The following LARGE1 variants were observed in gnomAD, a reference collection of about 807,000 sequenced individuals.
The protein encoded by LARGE1 is LARGE xylosyl- and glucuronyltransferase 1, also known as xylosyl- and glucuronyltransferase LARGE1.
Under a neutral mutation model 87.6 loss-of-function variants are expected in LARGE1, and 43 were observed. That is an observed-to-expected ratio of 0.49 (90% CI 0.38 to 0.63). The LOEUF is 0.63. Among genes scored for constraint, LARGE1 ranks in the 30% least tolerant of loss-of-function variants. LARGE1 has a pLI of 0.00. For synonymous variants in LARGE1, 434 were observed against 394.6 expected, an observed-to-expected ratio of 1.10 and a Z score of -1.18; for missense variants, 802 against 1,000.2, an observed-to-expected ratio of 0.80 and a Z score of 2.67.
Position 33,283,183 on chromosome 22 carries a change from A to T in LARGE1, c.1877+19T>A. 6.2e-7 allele frequency: 1 copy of T among 1,614,004 alleles called. No homozygotes were observed. The highest frequency in any genetic ancestry group is 2.2e-5 in the East Asian group (1 of 44,870). ...AGGCCTTCGAGCACCCCCAGAGTACAGCAGCTAGAGCCACTCACCTGAATG... is the reference window on the plus strand; with the variant it reads ...AGGCCTTCGAGCACCCCCAGAGTACTGCAGCTAGAGCCACTCACCTGAATG... On this transcript the variant is annotated intron_variant, in intron 13 of 14. Coordinates refer to ENST00000397394, the MANE Select transcript of LARGE1 (RefSeq NM_133642.5).
At chr22:33,203,085 C>G (rs147494475) in intron 11 of LARGE1, among the ~76,000 whole-genome samples, 36 of 149,230 alleles carry the variant, frequency 2.4e-4, no homozygotes, top group African/African-American at 5.9e-4. Context: ...CTCTCTCTCT[C>G]TCTCTCTCTC....
intron 2 of LARGE1, among the ~76,000 whole-genome samples, chr22:33,714,979 A>G (rs1360277594): frequency 6.6e-6 from 1 of 152,190 alleles, no homozygotes; most frequent in Non-Finnish European, 1.5e-5. Context: ...AGGTGGAAAG[A>G]AATCAGGAAG....
chr22:33,184,050 T>C lies in LARGE1; in HGVS notation c.1731-17218A>G, dbSNP rs1348947302. Reference sequence around the variant, plus strand: ...ACACAGTGGTAACTATGGGTAGTGATGGGTGTGTTAATTAATTTGACTGTG... The same window carrying C: ...ACACAGTGGTAACTATGGGTAGTGACGGGTGTGTTAATTAATTTGACTGTG... On this transcript the variant is annotated intron_variant, in intron 11 of 11. Transcript: ENST00000608642. Among the ~76,000 whole-genome samples, 6 of 138,784 alleles carry C rather than the reference T, an allele frequency of 4.3e-5. No individual in the cohort carries two copies. In the East Asian group the frequency reaches 1.2e-3, roughly 28 times the overall value. The allele number at this position is 138,784 out of a possible 152,430, so 91.0% of individuals were successfully genotyped here.
At chr22:33,646,440 C>T (rs917020754) in intron 3 of LARGE1, among the ~76,000 whole-genome samples, 2 of 151,350 alleles carry the variant, frequency 1.3e-5, no homozygotes, top group Non-Finnish European at 2.9e-5. Context: ...TGTTGAGGGG[C>T]GGGGCAAGGG....
intron 1 of LARGE1, among the ~76,000 whole-genome samples, chr22:33,889,396 G>A (rs896243114): frequency 6.6e-6 from 1 of 152,232 alleles, no homozygotes; most frequent in Non-Finnish European, 1.5e-5. Context: ...AGAAAAGAAA[G>A]TGTATTTTTT....
At chr22:33,898,775 A>G (rs933289915) in intron 1 of LARGE1, among the ~76,000 whole-genome samples, 1 of 152,136 alleles carries the variant, frequency 6.6e-6, no homozygotes, top group Non-Finnish European at 1.5e-5. Flanking sequence ...AAACAAACAA[A>G]AAGATTCTTC....
the LARGE1 span, among the ~76,000 whole-genome samples, chr22:33,068,704 G>A: frequency 6.6e-6 from 1 of 152,170 alleles, no homozygotes; most frequent in Non-Finnish European, 1.5e-5. Context: ...GCACTCCTCT[G>A]GCTGTGGCCA....
chr22:33,502,592 A>T (rs556022560), intron 6 of LARGE1, among the ~76,000 whole-genome samples: 1 of 151,950 alleles, frequency 6.6e-6, no homozygotes, highest in Non-Finnish European at 1.5e-5. Flanking sequence ...TTTTTGAGAC[A>T]GAGTCTGGCT....
At chr22:33,650,937 T>C (rs1478809702) in intron 2 of LARGE1, among the ~76,000 whole-genome samples, 3 of 152,062 alleles carry the variant, frequency 2.0e-5, no homozygotes, top group Non-Finnish European at 4.4e-5. Flanking sequence ...AAATGCACTG[T>C]CTTCCTCTCC....
chr22:33,180,783 C>T (rs1226819264), intron 11 of LARGE1, among the ~76,000 whole-genome samples: 2 of 149,794 alleles, frequency 1.3e-5, no homozygotes, highest in Non-Finnish European at 3.0e-5. Flanking sequence ...ACCTGGATAA[C>T]TCTTGAAAAC....
chr22:33,814,704 A>G (rs150331397), intron 1 of LARGE1, among the ~76,000 whole-genome samples: 240 of 142,564 alleles, frequency 1.7e-3, no homozygotes, highest in African/African-American at 6.1e-3. Flanking sequence ...ACATAAGCTA[A>G]TTCCTTAAAA....
At chr22:33,387,558 G>T (rs187624516) in intron 7 of LARGE1, among the ~76,000 whole-genome samples, 3 of 143,806 alleles carry the variant, frequency 2.1e-5, no homozygotes, top group Admixed American at 6.9e-5. Context: ...TAGAAACAAT[G>T]ATGAAATATA....
At chr22:33,850,234 G>C (rs1425306604) in intron 1 of LARGE1, among the ~76,000 whole-genome samples, 3 of 151,516 alleles carry the variant, frequency 2.0e-5, no homozygotes, top group African/African-American at 7.3e-5. Flanking sequence ...CAATAACACG[G>C]CCTTCAAACA....
chr22:33,380,290 G>C lies in LARGE1; in HGVS notation c.1131+1629C>G, dbSNP rs180780916. On this transcript the variant is annotated intron_variant, in intron 9 of 14. Transcript: ENST00000397394. ...ATTTCTAACAAGCACATGATATACAGAAGGAACTGAATAAATGCCGATGGA... is the reference window on the plus strand; with the variant it reads ...ATTTCTAACAAGCACATGATATACACAAGGAACTGAATAAATGCCGATGGA... Among the ~76,000 whole-genome samples, 14 of 152,230 alleles carry C rather than the reference G, an allele frequency of 9.2e-5. No individual in the cohort carries two copies. The East Asian group carries it at 2.5e-3, about 27-fold the overall frequency.
chr22:33,162,009 TC>T (rs1922043762), downstream of LARGE1, among the ~76,000 whole-genome samples: 1 of 152,218 alleles, frequency 6.6e-6, no homozygotes, highest in African/African-American at 2.4e-5. Context: ...TCAAAACCAT[TC>T]AACAAGTCTC....
rs180692209 is a variant in LARGE1 at position 33,620,879 on chromosome 22, G to C, written c.491+5365C>G. ...TTTCAGTGAGCTGAGATTGCATCAA[G>C]ATCAGGCCACTGCACTCCAGCCTGG... On this transcript the variant is annotated intron_variant, in intron 4 of 14. Transcript: ENST00000397394. Among the ~76,000 whole-genome samples, 28 of 152,170 alleles carry C rather than the reference G, an allele frequency of 1.8e-4. No individual in the cohort carries two copies. The East Asian group carries it at 5.0e-3, about 27-fold the overall frequency.
At chr22:33,169,514 A>T (rs775764020) in intron 11 of LARGE1, among the ~76,000 whole-genome samples, 3 of 152,170 alleles carry the variant, frequency 2.0e-5, no homozygotes, top group Admixed American at 6.6e-5. Flanking sequence ...AATGAACAAA[A>T]GTGAATAATT....
chr22:33,410,588 T>A (rs1450235020), intron 7 of LARGE1, among the ~76,000 whole-genome samples: 2 of 152,118 alleles, frequency 1.3e-5, no homozygotes, highest in East Asian at 1.9e-4. Context: ...ACCATGATTA[T>A]AAGTTTCCTG....
chr22:33,814,134 C>T (rs556460508), intron 1 of LARGE1, among the ~76,000 whole-genome samples: 4 of 152,188 alleles, frequency 2.6e-5, no homozygotes, highest in Admixed American at 6.5e-5. Context: ...CACTCTTGTT[C>T]GACCATTTCA....
Sources: gnomAD v4.1 joint callset for allele counts (sites outside exome capture counted in the v4.1 genomes callset) on GRCh38, gnomAD v4.1.1 for gene constraint, MANE v1.5 for transcripts, NCBI Gene and HGNC (gene_info 2026-07-23, HGNC 2026-07-21) for gene names.